Variants in FARP1 observed in about 807,000 individuals in gnomAD.
FARP1 encodes the protein FERM, ARHGEF and pleckstrin domain-containing protein 1.
Under a neutral mutation model 128.8 loss-of-function variants are expected in FARP1, and 52 were observed. That is an observed-to-expected ratio of 0.40 (90% CI 0.32 to 0.51). The LOEUF (loss-of-function observed/expected upper bound fraction) is 0.51, where lower values mean the gene tolerates loss of function less well. Ranked by LOEUF, FARP1 falls within the 20% of genes least tolerant of loss-of-function variation. The pLI, the probability that FARP1 is intolerant of heterozygous loss-of-function variation, is 0.45. For missense variants in FARP1, 1,333 were observed against 1,367.9 expected, an observed-to-expected ratio of 0.97 and a Z score of 0.40; for synonymous variants, 580 against 551.8, an observed-to-expected ratio of 1.05 and a Z score of -0.72.
intron 2 of FARP1, among the ~76,000 whole-genome samples, chr13:98,288,075 C>T (rs1392846994): frequency 6.6e-6 from 1 of 152,190 alleles, no homozygotes; most frequent in African/African-American, 2.4e-5. Context: ...GCTGGGATTA[C>T]AGACGTGAGC....
At chr13:98,184,969 A>C (rs1056628673) in intron 1 of FARP1, among the ~76,000 whole-genome samples, 8 of 152,226 alleles carry the variant, frequency 5.3e-5, no homozygotes, top group Non-Finnish European at 1.0e-4. Flanking sequence ...CGTGGTGTAA[A>C]TATTTCCACC....
chr13:98,243,554 C>T (rs182070253), intron 2 of FARP1, among the ~76,000 whole-genome samples: 6 of 151,598 alleles, frequency 4.0e-5, no homozygotes, highest in South Asian at 4.2e-4. Context: ...AAAAATTAGC[C>T]GGGCGTGGTG....
rs1343080348 is a variant in FARP1 at position 98,452,935 on chromosome 13, TAAAA to T, written c.*4619_*4622del. Reference sequence around the variant, plus strand: ...TGGTTAAAATTAAAAACAAAAGTAATAAAATAAAATAAAATGATCGCTGGAAGGA... The same window carrying T: ...TGGTTAAAATTAAAAACAAAAGTAATTAAAATAAAATGATCGCTGGAAGGA... On this transcript the variant is annotated 3_prime_UTR_variant, in exon 27 of 27. Coordinates refer to ENST00000319562, the MANE Select transcript of FARP1 (RefSeq NM_005766.4). 4 of 428,054 alleles carry T rather than the reference TAAAA, an allele frequency of 9.3e-6. No individual in the cohort carries two copies. Among genetic ancestry groups the T allele is most frequent in the Non-Finnish European group, 1.6e-5 (4 of 242,654 alleles). The allele number at this position is 428,054 out of a possible 1,614,324, so 26.5% of individuals were successfully genotyped here. A position where few individuals can be genotyped will look rare whatever the true frequency, so the allele number is the denominator to read the frequency against.
At position 98,247,666 on chromosome 13, in the gene FARP1, G is replaced by T. The variant is rs539849444; in HGVS notation, c.171+34253G>T. Among the ~76,000 whole-genome samples, 37 of 152,322 alleles carry T rather than the reference G, an allele frequency of 2.4e-4. No homozygotes were observed. The South Asian group carries it at 6.8e-3, about 28-fold the overall frequency. On this transcript the variant is annotated intron_variant, in intron 2 of 26. Transcript: ENST00000319562. ...CTTTCCCAGAGAAAGTTAGGAAGGT[G>T]AGCAAAGGTTGGTAGGTTGACCCCA...
At chr13:98,183,407 A>G (rs1233710735) in intron 1 of FARP1, among the ~76,000 whole-genome samples, 4 of 152,006 alleles carry the variant, frequency 2.6e-5, no homozygotes, top group Admixed American at 2.6e-4. Flanking sequence ...GGACCATTTT[A>G]TCTTTAATAT....
At chr13:98,415,003 A>T (rs1268673284) in intron 16 of FARP1, among the ~76,000 whole-genome samples, 1 of 152,246 alleles carries the variant, frequency 6.6e-6, no homozygotes, top group Non-Finnish European at 1.5e-5. Flanking sequence ...GAACACAGAA[A>T]AGGATTTCTG....
chr13:98,206,980 G>T (rs1394618959), intron 1 of FARP1, among the ~76,000 whole-genome samples: 1 of 152,178 alleles, frequency 6.6e-6, no homozygotes. Flanking sequence ...AGGCCTTTCG[G>T]TTTGTTGGAT....
intron 2 of FARP1, chr13:98,332,909 G>A (rs1353290792): frequency 8.5e-5 from 13 of 152,104 alleles, no homozygotes; most frequent in Admixed American, 7.2e-4. Context: ...GCTGAGTCAC[G>A]GGACTAAGTT....
chr13:98,440,096 G>T, intron 22 of FARP1, 27 bp from the exon 23 acceptor site: 1 of 1,610,912 alleles, frequency 6.2e-7, no homozygotes, highest in South Asian at 1.1e-5. Flanking sequence ...GCTGTGGCCT[G>T]AACACCTGAC....
intron 13 of FARP1, chr13:98,398,169 C>A (rs1890628050): frequency 6.6e-6 from 1 of 152,136 alleles, no homozygotes; most frequent in Admixed American, 6.5e-5. Flanking sequence ...GTCCAGAAGT[C>A]GGTTTTAAAG....
chr13:98,329,811 C>G (rs1263020467), intron 2 of FARP1: 6 of 152,212 alleles, frequency 3.9e-5, no homozygotes, highest in Admixed American at 2.6e-4. Flanking sequence ...TGAGCATCTA[C>G]TATGCATCAT....
chr13:98,280,203 T>G lies in FARP1; in HGVS notation c.172-63559T>G, dbSNP rs185586311. Among the ~76,000 whole-genome samples the G allele has an allele frequency of 2.0e-5, 3 of 152,312 alleles. No individual in the cohort carries two copies. The East Asian group carries it at 5.8e-4, about 29-fold the overall frequency. The stretch of plus-strand genomic sequence containing the variant: ...GTCACTTCTGCTTAAAAACCAGCAG[T>G]GGCTTCCCCTAGAAAACAGCCTCCT... On this transcript the variant is annotated intron_variant, in intron 2 of 26. Coordinates refer to ENST00000319562, the MANE Select transcript of FARP1 (RefSeq NM_005766.4).
chr13:98,387,611 A>G (rs1890145635), intron 8 of FARP1, among the ~76,000 whole-genome samples: 1 of 152,214 alleles, frequency 6.6e-6, no homozygotes, highest in Admixed American at 6.5e-5. Context: ...GAGACTGGGC[A>G]GATGGGAGTT....
chr13:98,278,662 T>G (rs9513391), intron 2 of FARP1, among the ~76,000 whole-genome samples: 3,491 of 152,312 alleles, frequency 0.023, 74 homozygotes, highest in South Asian at 0.11. Flanking sequence ...ACCTGCTAGC[T>G]GGGAAAATGG....
intron 1 of FARP1, among the ~76,000 whole-genome samples, chr13:98,159,168 A>G (rs1876694512): frequency 6.6e-6 from 1 of 152,166 alleles, no homozygotes; most frequent in East Asian, 1.9e-4. Flanking sequence ...ATGGGGTGCT[A>G]TTCCCACGGC....
intron 2 of FARP1, among the ~76,000 whole-genome samples, chr13:98,287,924 C>T (rs1417852244): frequency 6.6e-6 from 1 of 151,862 alleles, no homozygotes; most frequent in Non-Finnish European, 1.5e-5. Context: ...GCCTCAGCCT[C>T]CCGAGTAGCT....
intron 19 of FARP1, chr13:98,437,877 T>C (rs1313673937): frequency 2.6e-6 from 4 of 1,543,336 alleles, no homozygotes; most frequent in South Asian, 1.1e-5. Flanking sequence ...GGAATTGGGG[T>C]ACTCCTTCCT....
intron 2 of FARP1, among the ~76,000 whole-genome samples, chr13:98,259,926 G>GC (rs1372758501): frequency 2.0e-5 from 1 of 49,904 alleles, no homozygotes; most frequent in Non-Finnish European, 5.5e-5. Flanking sequence ...TGTGTATTGA[G>GC]AAGACCTTGG....
At chr13:98,276,803 C>T (rs1288254234) in intron 2 of FARP1, among the ~76,000 whole-genome samples, 1 of 152,158 alleles carries the variant, frequency 6.6e-6, no homozygotes, top group African/African-American at 2.4e-5. Context: ...AATGATACCT[C>T]TCACAGGCAA....
Sources: allele counts gnomAD v4.1 joint callset (sites outside exome capture counted in the v4.1 genomes callset), GRCh38; gene constraint gnomAD v4.1.1; transcripts MANE v1.5; gene names NCBI Gene and HGNC (gene_info 2026-07-23, HGNC 2026-07-21).